Variants in SDK1 observed in about 807,000 individuals in gnomAD.
SDK1 encodes protein sidekick-1.
A neutral mutation model predicts 245.5 loss-of-function variants in SDK1; 157 were observed. The observed-to-expected ratio is 0.64, with a 90% CI of 0.56 to 0.73. SDK1 has a LOEUF of 0.73. Among genes scored for constraint, SDK1 ranks in the 30% least tolerant of loss-of-function variants. SDK1 has a pLI of 0.00. For synonymous variants in SDK1, 1,647 were observed against 1,278.5 expected, an observed-to-expected ratio of 1.29 and a Z score of -6.15; for missense variants, 3,583 against 3,002.3, an observed-to-expected ratio of 1.19 and a Z score of -4.52.
intron 5 of SDK1, among the ~76,000 whole-genome samples, chr7:3,851,602 G>C (rs1428291882): frequency 6.6e-6 from 1 of 152,142 alleles, no homozygotes; most frequent in African/African-American, 2.4e-5. Context: ...CCGGTGTTAT[G>C]AGGATGTGTA....
chr7:4,151,016 G>T (rs1412979556), intron 30 of SDK1, among the ~76,000 whole-genome samples: 4 of 152,242 alleles, frequency 2.6e-5, no homozygotes, highest in Non-Finnish European at 5.9e-5. Flanking sequence ...TGGCCTTTGA[G>T]TTGCGAGGCT....
chr7:3,301,438 G>A lies in SDK1; in HGVS notation c.-149G>A, dbSNP rs1779251669. 1 of 159,896 alleles carries A rather than the reference G, an allele frequency of 6.3e-6. No homozygotes were observed. Among genetic ancestry groups the A allele is most frequent in the Non-Finnish European group, 1.3e-5 (1 of 78,672 alleles). 9.9% of individuals were successfully genotyped at this position (159,896 alleles called of 1,614,324 possible). A position where few individuals can be genotyped will look rare whatever the true frequency, so the allele number is the denominator to read the frequency against. ...GCCGCGCCCCTCACGCGGGGACCCA[G>A]GACGCCGCCCCTCAGCGCTGGGCGG... On this transcript the variant is annotated 5_prime_UTR_variant, in exon 1 of 45. Coordinates refer to ENST00000404826, the MANE Select transcript of SDK1 (RefSeq NM_152744.4).
At chr7:3,506,647 C>G (rs898263814) in intron 1 of SDK1, among the ~76,000 whole-genome samples, 1 of 152,034 alleles carries the variant, frequency 6.6e-6, no homozygotes, top group African/African-American at 2.4e-5. Flanking sequence ...AGTCTTCCTC[C>G]CCCTGCTCCC....
intron 4 of SDK1, among the ~76,000 whole-genome samples, chr7:3,814,997 C>T (rs1779471946): frequency 6.7e-6 from 1 of 149,998 alleles, no homozygotes; most frequent in Non-Finnish European, 1.5e-5. Context: ...TGCTTATCAG[C>T]TTAAGGAGAT....
chr7:3,597,659 T>A (rs1408231966), intron 1 of SDK1, among the ~76,000 whole-genome samples: 2 of 152,198 alleles, frequency 1.3e-5, no homozygotes, highest in Admixed American at 1.3e-4. Context: ...CTCAGTGACT[T>A]CATTTTGGTT....
At chr7:3,933,426 G>A (rs1040059264) in intron 5 of SDK1, among the ~76,000 whole-genome samples, 33 of 152,206 alleles carry the variant, frequency 2.2e-4, no homozygotes, top group African/African-American at 7.2e-4. Flanking sequence ...CCTGGTGTTC[G>A]GACACGGGAT....
intron 5 of SDK1, among the ~76,000 whole-genome samples, chr7:3,841,931 A>G (rs1780168732): frequency 6.6e-6 from 1 of 152,196 alleles, no homozygotes; most frequent in African/African-American, 2.4e-5. Flanking sequence ...GGAAATAAAG[A>G]AGCAAATTAC....
At chr7:3,811,174 A>G (rs113674063) in intron 4 of SDK1, among the ~76,000 whole-genome samples, 4 of 152,178 alleles carry the variant, frequency 2.6e-5, no homozygotes, top group African/African-American at 9.7e-5. Flanking sequence ...TTTGCACTTC[A>G]TCAGTGTCCT....
chr7:3,642,148 G>A (rs1448415279), intron 4 of SDK1, 43 bp downstream of exon 4: 3 of 1,587,254 alleles, frequency 1.9e-6, no homozygotes, highest in South Asian at 1.1e-5. Flanking sequence ...CAATTGTAAT[G>A]TCACTTGCTG....
chr7:3,754,911 G>A (rs888069950), intron 4 of SDK1, among the ~76,000 whole-genome samples: 5 of 152,140 alleles, frequency 3.3e-5, no homozygotes, highest in Non-Finnish European at 7.3e-5. Context: ...TCTAATGTTC[G>A]TTTGTTACGC....
At chr7:3,422,533 C>T (rs1356102656) in intron 1 of SDK1, among the ~76,000 whole-genome samples, 1 of 152,120 alleles carries the variant, frequency 6.6e-6, no homozygotes, top group Non-Finnish European at 1.5e-5. Context: ...TGGCTCATGC[C>T]TGTAACCCTA....
At chr7:3,647,669 A>G (rs569700673) in intron 4 of SDK1, among the ~76,000 whole-genome samples, 1 of 152,060 alleles carries the variant, frequency 6.6e-6, no homozygotes, top group Non-Finnish European at 1.5e-5. Flanking sequence ...ACTTCAGGCA[A>G]TCCACCCGCC....
intron 44 of SDK1, among the ~76,000 whole-genome samples, chr7:4,261,528 G>A (rs34670163): frequency 0.19 from 28,446 of 152,108 alleles, 3,014 homozygotes; most frequent in Non-Finnish European, 0.24. Flanking sequence ...GGCCACAGCC[G>A]TCTGTCTTAA....
intron 17 of SDK1, among the ~76,000 whole-genome samples, chr7:4,044,181 C>T (rs972708908): frequency 1.3e-5 from 2 of 152,192 alleles, no homozygotes; most frequent in African/African-American, 2.4e-5. Flanking sequence ...TTCGTGCACA[C>T]GTTGGCGCCA....
chr7:3,775,655 C>T (rs1426844979), intron 4 of SDK1, among the ~76,000 whole-genome samples: 1 of 151,818 alleles, frequency 6.6e-6, no homozygotes, highest in East Asian at 1.9e-4. Flanking sequence ...CGGCTCACTC[C>T]AAGCTCTGCT....
chr7:3,556,284 T>C (rs976468887), intron 1 of SDK1, among the ~76,000 whole-genome samples: 1 of 151,930 alleles, frequency 6.6e-6, no homozygotes, highest in Non-Finnish European at 1.5e-5. Flanking sequence ...TTTTGTTAAG[T>C]GGAGTAGGTC....
Position 4,233,277 on chromosome 7 carries a change from T to G in SDK1, c.5850T>G (p.Phe1950Leu), listed in dbSNP as rs756692565. 1.2e-6 allele frequency: 2 copies of G among 1,613,824 alleles called. No individual in the cohort carries two copies. Among genetic ancestry groups the G allele is most frequent in the Non-Finnish European group, 1.7e-6 (2 of 1,179,960 alleles). Residue 1950 changes from phenylalanine (F) to leucine (L), a missense_variant, in exon 41 of 45, where the codon TTT becomes TTG. Physicochemically the swap from Phe to Leu is conservative, Grantham distance 22. Transcript: ENST00000404826. Reference sequence around the variant, plus strand: ...CAGATGAAGGCTTATGGGACATGTTTGTGAAGGACATCCCGCGGAGCGCCA... The same window carrying G: ...CAGATGAAGGCTTATGGGACATGTTGGTGAAGGACATCCCGCGGAGCGCCA... ...RPSDEGLWDM[F>L]VKDIPRSATS...
chr7:3,480,596 C>A (rs1432423162), intron 1 of SDK1, among the ~76,000 whole-genome samples: 2 of 152,240 alleles, frequency 1.3e-5, no homozygotes, highest in African/African-American at 4.8e-5. Context: ...CAAGACAGCT[C>A]ATGTGGACTT....
At chr7:3,651,715 A>G (rs1461555686) in intron 4 of SDK1, among the ~76,000 whole-genome samples, 4 of 152,232 alleles carry the variant, frequency 2.6e-5, no homozygotes, top group Admixed American at 1.3e-4. Flanking sequence ...ATCCAAATCT[A>G]TACATATTAT....
Sources: gnomAD v4.1 joint callset for allele counts (sites outside exome capture counted in the v4.1 genomes callset) on GRCh38, gnomAD v4.1.1 for gene constraint, MANE v1.5 for transcripts, NCBI Gene and HGNC (gene_info 2026-07-23, HGNC 2026-07-21) for gene names.